RRM2B: variants seen among roughly 807,000 people sequenced by gnomAD.
The protein encoded by RRM2B is ribonucleotide reductase regulatory TP53 inducible subunit M2B.
Under a neutral mutation model 45.9 loss-of-function variants are expected in RRM2B, and 20 were observed. That is an observed-to-expected ratio of 0.44 (90% confidence interval 0.31 to 0.63). The LOEUF is 0.63. RRM2B is among the 30% of genes least tolerant of loss of function. The pLI is 0.09. For synonymous variants in RRM2B, 124 were observed against 132.3 expected, an observed-to-expected ratio of 0.94 and a Z score of 0.43; for missense variants, 320 against 414.7, an observed-to-expected ratio of 0.77 and a Z score of 1.98.
intron 1 of RRM2B, among the ~76,000 whole-genome samples, chr8:102,236,316 T>C (rs969279876): frequency 5.3e-5 from 8 of 151,898 alleles, no homozygotes; most frequent in Non-Finnish European, 1.2e-4. Context: ...CCCCACAGAT[T>C]TGGGGGTACA....
intron 1 of RRM2B, among the ~76,000 whole-genome samples, chr8:102,237,802 CAGTT>C (rs1415007382): frequency 3.1e-4 from 47 of 152,178 alleles, no homozygotes; most frequent in African/African-American, 1.1e-3. Context: ...GGGATATTTA[CAGTT>C]AGTTACTAAA....
chr8:102,224,342 C>G (rs117329782), intron 4 of RRM2B, among the ~76,000 whole-genome samples: 1 of 152,012 alleles, frequency 6.6e-6, no homozygotes, highest in Non-Finnish European at 1.5e-5. Flanking sequence ...CCACCACGCC[C>G]GGCTAGTATT....
At chr8:102,238,198 A>C (rs1193164839) in intron 1 of RRM2B, among the ~76,000 whole-genome samples, 1 of 152,208 alleles carries the variant, frequency 6.6e-6, no homozygotes, top group African/African-American at 2.4e-5. Flanking sequence ...TGCATAAAGC[A>C]TTTTACTTAA....
intron 8 of RRM2B, among the ~76,000 whole-genome samples, chr8:102,208,963 G>C (rs1193429625): frequency 1.3e-5 from 2 of 152,078 alleles, no homozygotes; most frequent in East Asian, 3.9e-4. Context: ...CAGCCTGACT[G>C]ACATGGTGAA....
intron 6 of RRM2B, among the ~76,000 whole-genome samples, chr8:102,214,644 C>T (rs949249474): frequency 6.7e-6 from 1 of 149,284 alleles, no homozygotes; most frequent in African/African-American, 2.5e-5. Context: ...AGGTGGGGCT[C>T]GGTGGCTCAT....
rs541038975 is a variant in RRM2B, at chr8:102,224,836, A to C, written c.455+49T>G. 1.9e-6 allele frequency: 3 copies of C among 1,574,706 alleles called. No individual in the cohort carries two copies. The Admixed American group carries it at 5.0e-5, about 26-fold the overall frequency. On this transcript the variant is annotated intron_variant, in intron 4 of 8. Transcript: ENST00000251810. ...AGTTTTGGAATAAATTCTGATCTGA[A>C]CATAACCAAGCCGTAAGCAATATTT... is the stretch of plus-strand genomic sequence containing the variant.
intron 1 of RRM2B, among the ~76,000 whole-genome samples, chr8:102,236,909 A>G (rs974978085): frequency 6.6e-6 from 1 of 152,174 alleles, no homozygotes; most frequent in Non-Finnish European, 1.5e-5. Flanking sequence ...CGATGCCCCA[A>G]TCTAGGCTGG....
intron 2 of RRM2B, among the ~76,000 whole-genome samples, chr8:102,227,983 G>A (rs1336379768): frequency 6.6e-6 from 1 of 152,118 alleles, no homozygotes; most frequent in Non-Finnish European, 1.5e-5. Context: ...GGAAATTCTG[G>A]GCAGAAGAAG....
intron 2 of RRM2B, among the ~76,000 whole-genome samples, chr8:102,228,753 G>T (rs1810977147): frequency 6.6e-6 from 1 of 152,208 alleles, no homozygotes; most frequent in Admixed American, 6.5e-5. Flanking sequence ...AGCGCAATGG[G>T]TTCAAGTGAG....
At chr8:102,223,908 T>A in intron 5 of RRM2B, 138 bp downstream of exon 5, 1 of 735,388 alleles carries the variant, frequency 1.4e-6, no homozygotes, top group Non-Finnish European at 2.5e-6. Context: ...GAATAATGAT[T>A]TTGGTAAAGG....
chr8:102,214,773 AT>A (rs1187367324), intron 6 of RRM2B, among the ~76,000 whole-genome samples: 1 of 141,124 alleles, frequency 7.1e-6, no homozygotes, highest in African/African-American at 2.5e-5. Flanking sequence ...TAAAAAATAA[AT>A]AAATAAATAA....
In RRM2B at chr8:102,207,445, T is replaced by G. The variant is rs896267238; in HGVS notation, c.*688A>C. ...AACCTCCTGGTTTCCACTCCATAAGTAGGCTTCCCAAAGCAACTAACAACT... is the reference window on the plus strand; with the variant it reads ...AACCTCCTGGTTTCCACTCCATAAGGAGGCTTCCCAAAGCAACTAACAACT... On this transcript the variant is annotated 3_prime_UTR_variant, in exon 9 of 9. Coordinates refer to ENST00000251810, the MANE Select transcript of RRM2B (RefSeq NM_015713.5). 6 of 152,224 alleles carry G rather than the reference T, an allele frequency of 3.9e-5. No homozygotes were observed. The highest frequency in any genetic ancestry group is 1.4e-4 in the African/African-American group (6 of 41,472). The allele number at this position is 152,224 out of a possible 1,614,324, so 9.4% of individuals were successfully genotyped here. A position where few individuals can be genotyped will look rare whatever the true frequency, so the allele number is the denominator to read the frequency against.
Position 102,224,885 on chromosome 8 carries a change from C to T in RRM2B, c.455G>A (p.Arg152Lys). The change falls in exon 4 of 9, where the codon AGG becomes AAG. Residue 152 changes from arginine (R) to lysine (K), a missense_variant and splice_region_variant. This residue lies in a region of RRM2B where 225 missense variants were observed against 289.4 expected (regional missense o/e 0.78). Coordinates refer to ENST00000251810, the MANE Select transcript of RRM2B (RefSeq NM_015713.5). The stretch of plus-strand genomic sequence containing the variant: ...TTTGTAAATAAAATCCCAACAATAC[C>T]TTTTCTTGGGATCTCTGATGTAAGT... ...IDTYIRDPKK[R>K]EFLFNAIETM... The T allele has an allele frequency of 6.2e-7, 1 of 1,613,210 alleles. No homozygotes were observed. The highest frequency in any genetic ancestry group is 8.5e-7 in the Non-Finnish European group (1 of 1,179,232).
intron 8 of RRM2B, among the ~76,000 whole-genome samples, chr8:102,211,171 G>T (rs1810629193): frequency 2.0e-5 from 3 of 152,036 alleles, no homozygotes; most frequent in Admixed American, 2.0e-4. Context: ...CACCAGGCCT[G>T]GCTAATTTTT....
intron 2 of RRM2B, among the ~76,000 whole-genome samples, chr8:102,230,208 C>T (rs1023297534): frequency 6.6e-6 from 1 of 152,166 alleles, no homozygotes; most frequent in South Asian, 2.1e-4. Context: ...ACCATTTAAG[C>T]TGACTAAATG....
intron 2 of RRM2B, among the ~76,000 whole-genome samples, chr8:102,230,588 A>G (rs1423021874): frequency 6.6e-6 from 1 of 152,202 alleles, no homozygotes; most frequent in Non-Finnish European, 1.5e-5. Flanking sequence ...GTATGAAAAT[A>G]TTGGGTGTTT....
chr8:102,213,295 AAAG>A (rs1382406783), intron 7 of RRM2B, among the ~76,000 whole-genome samples: 2 of 152,192 alleles, frequency 1.3e-5, no homozygotes, highest in Non-Finnish European at 2.9e-5. Flanking sequence ...CTCAATTAAC[AAAG>A]AAAATGAGAA....
At chr8:102,236,777 C>G (rs914863213) in intron 1 of RRM2B, among the ~76,000 whole-genome samples, 7 of 152,186 alleles carry the variant, frequency 4.6e-5, no homozygotes, top group African/African-American at 1.7e-4. Flanking sequence ...TGACATTCTG[C>G]TGTTTTTTCC....
rs2132544976 is a variant in RRM2B, at chr8:102,214,102, T to A, written c.741A>T (p.Ser247=). 3.7e-6 allele frequency: 6 copies of A among 1,613,692 alleles called. No individual in the cohort carries two copies. The highest frequency in any genetic ancestry group is 5.1e-6 in the Non-Finnish European group (6 of 1,179,782). The change falls in exon 7 of 9, where the codon TCA becomes TCT. Residue 247 remains serine, a synonymous_variant. Transcript: ENST00000251810. The part of the protein sequence containing the change: ...LMFQYLVNKP[S]EERVREIIVD... ...CAATGATCTCCCTGACCCTTTCTTC[T>A]GAAGGCTTATTTACTAAGTATTGGA...
Sources: allele counts gnomAD v4.1 joint callset (sites outside exome capture counted in the v4.1 genomes callset), GRCh38; gene constraint gnomAD v4.1.1; regional missense constraint gnomAD v4.1.1; transcripts MANE v1.5; gene names NCBI Gene and HGNC (gene_info 2026-07-23, HGNC 2026-07-21).